The following SGCZ variants were observed in gnomAD, a reference collection of about 807,000 sequenced individuals.
SGCZ encodes sarcoglycan zeta.
SGCZ carries 40 observed loss-of-function variants against 41.3 expected under a neutral mutation model. The ratio of observed to expected loss-of-function variants is 0.97; its 90% CI spans 0.75 to 1.26. The LOEUF (loss-of-function observed/expected upper bound fraction) is 1.26. Ranked by LOEUF, SGCZ falls within the 50% of genes most tolerant of loss-of-function variation. The pLI is 0.00. For missense variants in SGCZ, 552 were observed against 369.8 expected (o/e 1.49, Z -4.04); for synonymous variants, 206 against 137.5 (o/e 1.50, Z -3.49).
intron 1 of SGCZ, among the ~76,000 whole-genome samples, chr8:14,899,465 G>A (rs73666932): frequency 0.038 from 5,716 of 152,272 alleles, 362 homozygotes; most frequent in African/African-American, 0.13. Context: ...ATGTGATTTA[G>A]AGAAGGTGCT....
intron 2 of SGCZ, among the ~76,000 whole-genome samples, chr8:14,546,057 G>A (rs1275018022): frequency 6.6e-6 from 1 of 152,168 alleles, no homozygotes. Context: ...TCATCTGAGA[G>A]GGACAATTTG....
At chr8:14,666,336 G>C (rs905174591) in intron 1 of SGCZ, among the ~76,000 whole-genome samples, 1 of 152,140 alleles carries the variant, frequency 6.6e-6, no homozygotes, top group Non-Finnish European at 1.5e-5. Context: ...AGACTTGCAG[G>C]ATGGCAAAAC....
At chr8:14,445,823 T>C (rs566910102) in intron 2 of SGCZ, among the ~76,000 whole-genome samples, 102 of 152,298 alleles carry the variant, frequency 6.7e-4, no homozygotes, top group Admixed American at 6.5e-3. Flanking sequence ...CCTCTGGTTC[T>C]AGCCATGGGT....
chr8:14,545,156 G>C (rs1371410196), intron 2 of SGCZ, among the ~76,000 whole-genome samples: 1 of 151,898 alleles, frequency 6.6e-6, no homozygotes, highest in Non-Finnish European at 1.5e-5. Context: ...TTGAAATATT[G>C]GGGGCATGTC....
At chr8:14,800,753 A>C (rs1585271547) in intron 1 of SGCZ, among the ~76,000 whole-genome samples, 1 of 152,282 alleles carries the variant, frequency 6.6e-6, no homozygotes, top group Middle Eastern at 3.4e-3. Flanking sequence ...AGTCAATTAA[A>C]CATTTTTTCT....
chr8:15,141,343 CA>C (rs1272597200), intron 1 of SGCZ, among the ~76,000 whole-genome samples: 5 of 152,192 alleles, frequency 3.3e-5, no homozygotes, highest in Admixed American at 2.0e-4. Context: ...CACAGTATTT[CA>C]ATGAGTCATG....
chr8:15,043,827 G>T (rs1049651394), intron 1 of SGCZ, among the ~76,000 whole-genome samples: 1 of 152,078 alleles, frequency 6.6e-6, no homozygotes, highest in South Asian at 2.1e-4. Flanking sequence ...GTAAACTGTG[G>T]CTCTCAGTGC....
intron 1 of SGCZ, among the ~76,000 whole-genome samples, chr8:14,994,260 G>A (rs150113410): frequency 6.6e-6 from 1 of 152,260 alleles, no homozygotes; most frequent in Admixed American, 6.5e-5. Flanking sequence ...TACAGTGGCG[G>A]TTCCACATTT....
chr8:14,342,283 G>T (rs1470956131), intron 2 of SGCZ, among the ~76,000 whole-genome samples: 1 of 152,078 alleles, frequency 6.6e-6, no homozygotes, highest in East Asian at 1.9e-4. Flanking sequence ...TTTGAATTTT[G>T]GAGAAATGAT....
intron 1 of SGCZ, among the ~76,000 whole-genome samples, chr8:14,618,645 T>C (rs1032871250): frequency 6.6e-6 from 1 of 152,216 alleles, no homozygotes; most frequent in African/African-American, 2.4e-5. Context: ...TGAAGGATTT[T>C]AAAGAGCGGG....
chr8:14,274,123 T>C (rs978273989), intron 3 of SGCZ, among the ~76,000 whole-genome samples: 3 of 152,200 alleles, frequency 2.0e-5, no homozygotes, highest in Non-Finnish European at 4.4e-5. Context: ...TTCATTTGCA[T>C]ATGTTAAACT....
chr8:15,162,225 CCCATA>C (rs150623650), intron 1 of SGCZ, among the ~76,000 whole-genome samples: 6,614 of 152,114 alleles, frequency 0.043, 353 homozygotes, highest in African/African-American at 0.13. Flanking sequence ...TCAAGACATA[CCCATA>C]CCATAGCTTT....
intron 3 of SGCZ, among the ~76,000 whole-genome samples, chr8:14,261,171 A>G (rs1194468844): frequency 6.6e-6 from 1 of 152,210 alleles, no homozygotes; most frequent in South Asian, 2.1e-4. Context: ...ACCACTGGAT[A>G]TCTTGCCCAA....
intron 4 of SGCZ, among the ~76,000 whole-genome samples, chr8:14,199,634 G>A (rs990741477): frequency 5.3e-5 from 8 of 152,126 alleles, no homozygotes; most frequent in South Asian, 4.1e-4. Context: ...CCCCGGACAC[G>A]CAGCTTTAAA....
chr8:15,035,830 T>C (rs1337736387), intron 1 of SGCZ, among the ~76,000 whole-genome samples: 4 of 152,226 alleles, frequency 2.6e-5, no homozygotes, highest in East Asian at 1.9e-4. Flanking sequence ...CACCTAAATA[T>C]ATCAAGCAAA....
At chr8:14,618,742 G>T (rs1012274577) in intron 1 of SGCZ, among the ~76,000 whole-genome samples, 5 of 152,122 alleles carry the variant, frequency 3.3e-5, no homozygotes, top group African/African-American at 1.2e-4. Flanking sequence ...GGGTGCTCAT[G>T]AAGGGTAATA....
chr8:15,153,290 A>C (rs1027718592), intron 1 of SGCZ, among the ~76,000 whole-genome samples: 19 of 152,286 alleles, frequency 1.2e-4, no homozygotes, highest in Middle Eastern at 3.4e-3. Context: ...ACTAAAACAA[A>C]TGTCTAATGC....
chr8:14,766,727 A>ATTTTTTTTTTTTTTTTTTTTT (rs33955290), intron 1 of SGCZ, among the ~76,000 whole-genome samples: 3 of 92,804 alleles, frequency 3.2e-5, no homozygotes, highest in East Asian at 3.1e-4. Context: ...ATGTCCAGCT[A>ATTTTTTTTTTTTTTTTTTTTT]TTTTTTTTTT....
At chr8:14,567,737 A>G (rs7831516) in intron 1 of SGCZ, among the ~76,000 whole-genome samples, 1 of 151,868 alleles carries the variant, frequency 6.6e-6, no homozygotes, top group East Asian at 1.9e-4. Flanking sequence ...ACTCACCGTG[A>G]AGGTCTGCAG....
Sources: allele counts gnomAD v4.1 joint callset (sites outside exome capture counted in the v4.1 genomes callset), GRCh38; gene constraint gnomAD v4.1.1; transcripts MANE v1.5; gene names NCBI Gene and HGNC (gene_info 2026-07-23, HGNC 2026-07-21).